The following GRM4 variants were observed in gnomAD, a reference collection of about 807,000 sequenced individuals.
GRM4 encodes the protein metabotropic glutamate receptor 4.
In GRM4, 28 loss-of-function variants were observed where a neutral mutation model predicts 81.7. The observed-to-expected ratio is 0.34, with a 90% CI of 0.25 to 0.47. GRM4 has a LOEUF of 0.47. GRM4 is among the 20% of genes least tolerant of loss of function. The pLI is 1.00. For synonymous variants in GRM4, 488 were observed against 528.8 expected, an observed-to-expected ratio of 0.92 and a Z score of 1.06; for missense variants, 948 against 1,290.0, an observed-to-expected ratio of 0.73 and a Z score of 4.06.
upstream of GRM4, among the ~76,000 whole-genome samples, chr6:34,146,301 C>G (rs1243624990): frequency 2.0e-5 from 3 of 152,180 alleles, no homozygotes; most frequent in African/African-American, 7.2e-5. Flanking sequence ...GGGACACTTT[C>G]CACAGAGCCC....
At chr6:34,105,719 G>C (rs975577435) in intron 2 of GRM4, among the ~76,000 whole-genome samples, 1 of 152,136 alleles carries the variant, frequency 6.6e-6, no homozygotes, top group Non-Finnish European at 1.5e-5. Context: ...TCCAGCTGCT[G>C]CTCCCCTGGG....
chr6:34,106,820 G>A (rs1299155248), intron 2 of GRM4, among the ~76,000 whole-genome samples: 3 of 152,274 alleles, frequency 2.0e-5, no homozygotes, highest in Admixed American at 6.5e-5. Context: ...TGCAGGTTCT[G>A]CAAATAAATA....
intron 10 of GRM4, among the ~76,000 whole-genome samples, chr6:34,025,093 G>A (rs778671818): frequency 6.6e-6 from 1 of 152,156 alleles, no homozygotes; most frequent in Non-Finnish European, 1.5e-5. Context: ...CACTCTCTCT[G>A]AGCCTCAGGC....
At position 34,091,985 on chromosome 6, in the gene GRM4, T is replaced by C. The variant is rs1768251134; in HGVS notation, c.634A>G (p.Ile212Val). The C allele has an allele frequency of 6.2e-7, 1 of 1,614,138 alleles. No individual in the cohort carries two copies. Among genetic ancestry groups the C allele is most frequent in the Non-Finnish European group, 8.5e-7 (1 of 1,179,950 alleles). ...DTYQAQAMVD[I>V]VRALKWNYVS... Reference sequence around the variant, plus strand: ...TAGTTCCACTTGAGGGCACGGACGATGTCCACCATGGCCTGGGCCTGGTAC... The same window carrying C: ...TAGTTCCACTTGAGGGCACGGACGACGTCCACCATGGCCTGGGCCTGGTAC... The change falls in exon 3 of 11, where the codon ATC becomes GTC. Residue 212 changes from isoleucine (I) to valine (V), a missense_variant. Physicochemically the swap from Ile to Val is conservative, Grantham distance 29. Coordinates refer to ENST00000538487, the MANE Select transcript of GRM4 (RefSeq NM_000841.4).
Position 34,033,295 on chromosome 6 carries a change from C to T in GRM4, c.2442+2373G>A, listed in dbSNP as rs3778052. Among the ~76,000 whole-genome samples, 150 of 152,302 alleles carry T rather than the reference C, an allele frequency of 9.8e-4. 2 individuals are homozygous for T. The East Asian group carries it at 0.021, about 22-fold the overall frequency. The stretch of plus-strand genomic sequence containing the variant: ...TCTGCCTCTTAGGGCCCCCACAGGG[C>T]CCCCATTGGAAGATGACCCTTGAGG... On this transcript the variant is annotated intron_variant, in intron 9 of 10. Coordinates refer to ENST00000538487, the MANE Select transcript of GRM4 (RefSeq NM_000841.4).
chr6:34,076,608 G>A (rs1347992551), intron 3 of GRM4, among the ~76,000 whole-genome samples: 1 of 152,224 alleles, frequency 6.6e-6, no homozygotes, highest in Non-Finnish European at 1.5e-5. Context: ...GGTGGAGGGG[G>A]TGGTAACAGG....
At chr6:34,139,535 C>T (rs1177109280) in intron 1 of GRM4, among the ~76,000 whole-genome samples, 1 of 152,192 alleles carries the variant, frequency 6.6e-6, no homozygotes, top group African/African-American at 2.4e-5. Flanking sequence ...TATTACAATT[C>T]TTGTCATCTC....
In GRM4 at chr6:34,035,123, C is replaced by T. The variant is rs1375433905; in HGVS notation, c.2442+545G>A. Among the ~76,000 whole-genome samples the T allele has an allele frequency of 6.6e-6, 1 of 151,316 alleles. No homozygotes were observed. The highest frequency in any genetic ancestry group is 2.4e-5 in the African/African-American group (1 of 41,126). ...GGAGGAGGGAGAAGAGAGGAGTGAA[C>T]CAAAAGGAAGACAGGGTTGAGTAGG... On this transcript the variant is annotated intron_variant, in intron 9 of 10. Coordinates refer to ENST00000538487, the MANE Select transcript of GRM4 (RefSeq NM_000841.4). The surrounding 1 kb of genome is among the most constrained non-coding windows in gnomAD (Gnocchi z 6.6).
At position 34,064,697 on chromosome 6, in the gene GRM4, C is replaced by T. The variant is rs1490811317; in HGVS notation, c.737-2669G>A. The stretch of plus-strand genomic sequence containing the variant: ...GCCCTCTCCTGGGATGACACAAGCT[C>T]CTGGCAGTGGCACAATCTCTGCCTC... On this transcript the variant is annotated intron_variant, in intron 3 of 10. Coordinates refer to ENST00000538487, the MANE Select transcript of GRM4 (RefSeq NM_000841.4). This position sits in a 1 kb window ranked among gnomAD's most constrained non-coding sequence, Gnocchi z 4.4. Among the ~76,000 whole-genome samples the T allele has an allele frequency of 1.3e-5, 2 of 152,200 alleles. No homozygotes were observed. The highest frequency in any genetic ancestry group is 3.8e-4 in the East Asian group (2 of 5,206).
At chr6:34,077,053 G>A (rs1226203926) in intron 3 of GRM4, among the ~76,000 whole-genome samples, 1 of 152,088 alleles carries the variant, frequency 6.6e-6, no homozygotes, top group Non-Finnish European at 1.5e-5. Context: ...GCCTCTGCAA[G>A]TTTTTCTCAA....
chr6:34,050,775 T>C (rs1041392026), intron 6 of GRM4, among the ~76,000 whole-genome samples: 3 of 152,202 alleles, frequency 2.0e-5, no homozygotes, highest in African/African-American at 7.2e-5. Flanking sequence ...GTTAGGCCTT[T>C]TCTGGAGCCA....
Position 34,115,526 on chromosome 6 carries a change from G to A in GRM4, c.519+17452C>T, listed in dbSNP as rs56366656. On this transcript the variant is annotated intron_variant, in intron 2 of 10. Transcript: ENST00000538487. This position sits in a 1 kb window ranked among gnomAD's most constrained non-coding sequence, Gnocchi z 4.1. ...CCCTGCTCCCAGCCACAAGGTCCTG[G>A]TTCAGGACCTTGGACAGCAGCCTCC... Among the ~76,000 whole-genome samples, 2 of 152,120 alleles carry A rather than the reference G, an allele frequency of 1.3e-5. No homozygotes were observed. The highest frequency in any genetic ancestry group is 6.5e-5 in the Admixed American group (1 of 15,282).
At chr6:34,122,651 G>A (rs1037757927) in intron 2 of GRM4, among the ~76,000 whole-genome samples, 1 of 151,980 alleles carries the variant, frequency 6.6e-6, no homozygotes, top group Non-Finnish European at 1.5e-5. Context: ...GCAGACTAAG[G>A]GGGGTCCACC....
intron 3 of GRM4, among the ~76,000 whole-genome samples, chr6:34,072,816 C>CAG (rs1767022747): frequency 1.4e-5 from 2 of 139,396 alleles, no homozygotes; most frequent in Admixed American, 7.3e-5. Flanking sequence ...ACACACCACA[C>CAG]ACAACCACAC....
chr6:34,149,689 TA>T (rs1410521384), upstream of GRM4, among the ~76,000 whole-genome samples: 1 of 152,196 alleles, frequency 6.6e-6, no homozygotes, highest in Non-Finnish European at 1.5e-5. Context: ...CTTTGATGGC[TA>T]GGGGACAGAG....
intron 1 of GRM4, among the ~76,000 whole-genome samples, chr6:34,151,624 G>A (rs1771047855): frequency 6.6e-6 from 1 of 152,178 alleles, no homozygotes; most frequent in Admixed American, 6.5e-5. Context: ...CCTGGCCCTG[G>A]GAGGAGACCT....
chr6:34,038,593 T>G (rs1764832560), intron 8 of GRM4, among the ~76,000 whole-genome samples: 1 of 152,170 alleles, frequency 6.6e-6, no homozygotes. Flanking sequence ...GTACCTTGCT[T>G]GCTCTGTGGC....
At chr6:34,030,496 G>A (rs527255259) in intron 9 of GRM4, among the ~76,000 whole-genome samples, 5 of 152,318 alleles carry the variant, frequency 3.3e-5, no homozygotes, top group African/African-American at 1.2e-4. Context: ...GAGGGCCAGC[G>A]TCCTGGGTTC....
Position 34,089,609 on chromosome 6 carries a change from G to A in GRM4, c.736+2274C>T, listed in dbSNP as rs1051664114. ...GGGTGTGGCAGGTATTGTGAGGGGC[G>A]CCTCTGCCAGGACAGGAGTGCCCCG... On this transcript the variant is annotated intron_variant, in intron 3 of 10. Coordinates refer to ENST00000538487, the MANE Select transcript of GRM4 (RefSeq NM_000841.4). This position sits in a 1 kb window ranked among gnomAD's most constrained non-coding sequence, Gnocchi z 4.3. Among the ~76,000 whole-genome samples the A allele has an allele frequency of 3.9e-5, 6 of 152,038 alleles. No individual in the cohort carries two copies. The highest frequency in any genetic ancestry group is 2.1e-4 in the South Asian group (1 of 4,824).
Sources: gnomAD v4.1 joint callset for allele counts (sites outside exome capture counted in the v4.1 genomes callset) on GRCh38, gnomAD v4.1.1 for gene constraint, Gnocchi (gnomAD v3.1) non-coding constraint, MANE v1.5 for transcripts, NCBI Gene and HGNC (gene_info 2026-07-23, HGNC 2026-07-21) for gene names.